Variants in COL4A5 observed in about 807,000 individuals in gnomAD.
The protein encoded by COL4A5 is collagen alpha-5(IV) chain.
Under a neutral mutation model 130.2 loss-of-function variants are expected in COL4A5, and 26 were observed. The ratio of observed to expected loss-of-function variants is 0.20; its 90% CI spans 0.15 to 0.28. The LOEUF is 0.28. Ranked by LOEUF, COL4A5 falls within the 10% of genes least tolerant of loss-of-function variation. The pLI is 1.00. For synonymous variants in COL4A5, 496 were observed against 439.6 expected (o/e 1.13, Z -1.60); for missense variants, 1,131 against 1,344.3 (o/e 0.84, Z 2.48).
At position 108,580,329 on chromosome X, in the gene COL4A5, A is replaced by G. The variant is rs933818343; in HGVS notation, c.781-204A>G. Among the ~76,000 whole-genome samples the G allele has an allele frequency of 2.7e-5, 3 of 111,648 alleles. No individual in the cohort carries two copies. The Admixed American group carries it at 2.9e-4, about 11-fold the overall frequency. On this transcript the variant is annotated intron_variant, in intron 13 of 52. Transcript: ENST00000328300. ...TGTCCCCAATGTTTAGTTCTCAGTT[A>G]TAAGTGAGAACATGTGGTATTTGAT...
intron 2 of COL4A5, among the ~76,000 whole-genome samples, chrX:108,551,295 C>A (rs2065749124): frequency 9.0e-6 from 1 of 110,722 alleles, no homozygotes; most frequent in Admixed American, 9.6e-5. Flanking sequence ...AACAATTCAG[C>A]AAGAAAATAA....
At chrX:108,533,563 C>G (rs769646777) in intron 1 of COL4A5, among the ~76,000 whole-genome samples, 7 of 110,659 alleles carry the variant, frequency 6.3e-5, no homozygotes, top group African/African-American at 2.3e-4. Context: ...AAATATAAGA[C>G]CTGAAAATAT....
intron 36 of COL4A5, among the ~76,000 whole-genome samples, chrX:108,646,024 A>G (rs1365493243): frequency 9.1e-6 from 1 of 109,744 alleles, no homozygotes; most frequent in Non-Finnish European, 1.9e-5. Flanking sequence ...TATTGTGAAT[A>G]GTGCCACAAT....
At chrX:108,525,233 A>G (rs1189420125) in intron 1 of COL4A5, among the ~76,000 whole-genome samples, 3 of 111,963 alleles carry the variant, frequency 2.7e-5, no homozygotes, top group South Asian at 3.7e-4. Context: ...CCCTTTTATC[A>G]TTATAAAATT....
intron 2 of COL4A5, among the ~76,000 whole-genome samples, chrX:108,548,231 C>T (rs774127329): frequency 1.4e-3 from 162 of 112,061 alleles, no homozygotes; most frequent in African/African-American, 5.1e-3. Flanking sequence ...GGGGCTGTTC[C>T]TATTCAGCCA....
chrX:108,578,060 G>A lies in COL4A5; in HGVS notation c.646-18G>A. On this transcript the variant is annotated intron_variant, in intron 11 of 52. Transcript: ENST00000328300. ...CTTACTGTCAGTGAGATTTTTAAAT[G>A]GAAACTTCTCTCTCCAGGGGAATAT... 1 of 1,208,456 alleles carries A rather than the reference G, an allele frequency of 8.3e-7. No homozygotes were observed. Among genetic ancestry groups the A allele is most frequent in the Non-Finnish European group, 1.1e-6 (1 of 893,134 alleles).
At chrX:108,453,104 T>C (rs974404605) in intron 1 of COL4A5, among the ~76,000 whole-genome samples, 1 of 111,885 alleles carries the variant, frequency 8.9e-6, no homozygotes, top group Non-Finnish European at 1.9e-5. Context: ...TTGTCATTGG[T>C]TCTGTTTGTA....
At chrX:108,648,585 T>C (rs148899939) in intron 36 of COL4A5, among the ~76,000 whole-genome samples, 1 of 111,917 alleles carries the variant, frequency 8.9e-6, no homozygotes, top group African/African-American at 3.2e-5. Context: ...TGGTTTAACA[T>C]AGGTAAGTCA....
chrX:108,543,573 A>G (rs2065587674), intron 2 of COL4A5, among the ~76,000 whole-genome samples: 2 of 111,324 alleles, frequency 1.8e-5, no homozygotes, highest in East Asian at 2.8e-4. Context: ...TTGGCTTAGG[A>G]CTGACTTGGC....
chrX:108,646,498 A>G (rs1365157105), intron 36 of COL4A5, among the ~76,000 whole-genome samples: 2 of 111,094 alleles, frequency 1.8e-5, no homozygotes, highest in African/African-American at 6.6e-5. Flanking sequence ...TCAGATGAGT[A>G]GATTGCAAAA....
chrX:108,626,470 G>A (rs1249029819), intron 36 of COL4A5, 121 bp downstream of exon 36: 1 of 1,167,186 alleles, frequency 8.6e-7, no homozygotes, highest in African/African-American at 1.8e-5. Flanking sequence ...TTCTGGATAA[G>A]AGATTTATTC....
At position 108,655,486 on chromosome X, in the gene COL4A5, T is replaced by A. The variant is rs375471707; in HGVS notation, c.3373+29T>A. 201 of 1,205,836 alleles carry A rather than the reference T, an allele frequency of 1.7e-4. 1 individual carries two copies. The highest frequency in any genetic ancestry group is 2.2e-4 in the Non-Finnish European group (195 of 892,130). The stretch of plus-strand genomic sequence containing the variant: ...AAATTTCTTCTCTTAAATGCTTCCT[T>A]CTTTCCTTCCTTATCTACTCCAACC... On this transcript the variant is annotated intron_variant, in intron 37 of 52. Transcript: ENST00000328300.
At chrX:108,600,341 A>T (rs1172166784) in intron 25 of COL4A5, among the ~76,000 whole-genome samples, 1 of 111,413 alleles carries the variant, frequency 9.0e-6, no homozygotes, top group Non-Finnish European at 1.9e-5. Flanking sequence ...CTTTCACATC[A>T]TCAAAATTAT....
intron 1 of COL4A5, among the ~76,000 whole-genome samples, chrX:108,531,411 A>G (rs1413791366): frequency 9.1e-6 from 1 of 109,542 alleles, no homozygotes; most frequent in East Asian, 2.8e-4. Flanking sequence ...ATAAAAATTT[A>G]TTGAAATGAA....
chrX:108,685,244 C>T (rs774948006), intron 47 of COL4A5, among the ~76,000 whole-genome samples: 6 of 111,994 alleles, frequency 5.4e-5, no homozygotes, highest in Admixed American at 3.8e-4. Context: ...TCTTTTAAGG[C>T]TTATTCATTG....
intron 1 of COL4A5, among the ~76,000 whole-genome samples, chrX:108,481,096 T>C (rs2064885348): frequency 2.7e-5 from 3 of 111,120 alleles, no homozygotes; most frequent in African/African-American, 9.8e-5. Flanking sequence ...GGGGACCCTC[T>C]GGAACCACAG....
intron 8 of COL4A5, among the ~76,000 whole-genome samples, chrX:108,573,174 T>G (rs1447273527): frequency 5.5e-5 from 6 of 109,919 alleles, no homozygotes; most frequent in African/African-American, 2.0e-4. Context: ...GCCCTTAATA[T>G]TCACAGCCCT....
At chrX:108,450,215 A>C (rs1369852400) in intron 1 of COL4A5, among the ~76,000 whole-genome samples, 1 of 112,276 alleles carries the variant, frequency 8.9e-6, no homozygotes, top group Non-Finnish European at 1.9e-5. Flanking sequence ...GCACTTGTGC[A>C]ATTGTTTGAG....
chrX:108,629,741 G>A (rs1331309798), intron 36 of COL4A5, among the ~76,000 whole-genome samples: 1 of 111,047 alleles, frequency 9.0e-6, no homozygotes, highest in Non-Finnish European at 1.9e-5. Flanking sequence ...GTATACATGT[G>A]CCGTATTGGT....
Sources: allele counts gnomAD v4.1 joint callset (sites outside exome capture counted in the v4.1 genomes callset), GRCh38; gene constraint gnomAD v4.1.1; transcripts MANE v1.5; gene names NCBI Gene and HGNC (gene_info 2026-07-23, HGNC 2026-07-21).